RASGEF1C: variants seen among roughly 807,000 people sequenced by gnomAD.
RASGEF1C encodes RasGEF domain family member 1C, also known as ras-GEF domain-containing family member 1C.
Under a neutral mutation model 58.1 loss-of-function variants are expected in RASGEF1C, and 27 were observed. The observed-to-expected ratio is 0.46, with a 90% CI of 0.34 to 0.64. The LOEUF is 0.64. Ranked by LOEUF, RASGEF1C falls within the 30% of genes least tolerant of loss-of-function variation. The pLI, the probability that RASGEF1C is intolerant of heterozygous loss-of-function variation, is 0.01. For missense variants in RASGEF1C, 502 were observed against 605.1 expected (o/e 0.83, Z 1.79); for synonymous variants, 243 against 246.3 (o/e 0.99, Z 0.13).
chr5:180,142,189 T>A (rs1055837477), intron 1 of RASGEF1C, among the ~76,000 whole-genome samples: 2 of 152,092 alleles, frequency 1.3e-5, no homozygotes, highest in Non-Finnish European at 2.9e-5. Context: ...CATTTCTCCC[T>A]CTGTCTGCCT....
intron 1 of RASGEF1C, among the ~76,000 whole-genome samples, chr5:180,195,127 T>G (rs912251150): frequency 1.3e-5 from 2 of 152,094 alleles, no homozygotes; most frequent in African/African-American, 4.8e-5. Flanking sequence ...CTCCCTCCTC[T>G]CCTTCTCCAA....
At chr5:180,174,628 G>GCA (rs1561751695) in intron 1 of RASGEF1C, among the ~76,000 whole-genome samples, 1 of 150,304 alleles carries the variant, frequency 6.7e-6, no homozygotes, top group East Asian at 2.0e-4. Context: ...CTGTGTGTGT[G>GCA]TGTGTGTGTG....
chr5:180,178,246 T>G (rs1767263150), intron 1 of RASGEF1C, among the ~76,000 whole-genome samples: 1 of 148,884 alleles, frequency 6.7e-6, no homozygotes, highest in Admixed American at 6.8e-5. Context: ...GTGCTGGGAT[T>G]ACACGTGTGA....
At chr5:180,160,933 C>T (rs182611467) in intron 1 of RASGEF1C, among the ~76,000 whole-genome samples, 14 of 152,186 alleles carry the variant, frequency 9.2e-5, no homozygotes, top group Non-Finnish European at 1.6e-4. Context: ...ATTAGGGAAA[C>T]GTGTCAGCAA....
chr5:180,113,677 TGGAGGGATCGGGGATGGAC>T (rs1766012414), intron 11 of RASGEF1C, among the ~76,000 whole-genome samples: 1 of 63,476 alleles, frequency 1.6e-5, no homozygotes. Context: ...CGGGGATGGA[TGGAGGGATCGGGGATGGAC>T]GGAGGGATCG....
At chr5:180,120,969 G>T (rs1369069070) in intron 7 of RASGEF1C, 91 bp downstream of exon 7, 3 of 869,520 alleles carry the variant, frequency 3.5e-6, no homozygotes, top group African/African-American at 3.3e-5. Context: ...AAGACTCAAG[G>T]TGTCCTTCCG....
In RASGEF1C at chr5:180,168,777, G is replaced by A. The variant is rs1195373058; in HGVS notation, c.-6-30719C>T. Reference sequence around the variant, plus strand: ...ATTACTTGTGGGCTGGGGTATGAGAGAGCAAAGATTTTTAAAATGGATTTT... The same window carrying A: ...ATTACTTGTGGGCTGGGGTATGAGAAAGCAAAGATTTTTAAAATGGATTTT... On this transcript the variant is annotated intron_variant, in intron 1 of 13. Coordinates refer to ENST00000361132, the MANE Select transcript of RASGEF1C (RefSeq NM_175062.4). The surrounding 1 kb of genome is among the most constrained non-coding windows in gnomAD (Gnocchi z 6.0). Among the ~76,000 whole-genome samples the A allele has an allele frequency of 1.3e-5, 2 of 152,280 alleles. No homozygotes were observed. Among genetic ancestry groups the A allele is most frequent in the East Asian group, 1.9e-4 (1 of 5,180 alleles).
chr5:180,116,657 G>A (rs1766073127), intron 10 of RASGEF1C, among the ~76,000 whole-genome samples: 1 of 152,242 alleles, frequency 6.6e-6, no homozygotes, highest in African/African-American at 2.4e-5. Flanking sequence ...ATCCCAGTCT[G>A]TCTACCTGCC....
At chr5:180,186,101 G>GAAAAAAAAAAAAAA (rs35778456) in intron 1 of RASGEF1C, among the ~76,000 whole-genome samples, 4 of 81,176 alleles carry the variant, frequency 4.9e-5, no homozygotes, top group Non-Finnish European at 4.7e-5. Context: ...TATCTCCACA[G>GAAAAAAAAAAAAAA]AAAAAAAAAA....
rs556289955 is a variant in RASGEF1C, at chr5:180,173,280, GGCT to G, written c.-6-35225_-6-35223del. ...GTACTGTTTGTTGGCCAGAACCAAG[GGCT>G]GCCCCTCGACCTGGGGATGCCACCA... On this transcript the variant is annotated intron_variant, in intron 1 of 13. Transcript: ENST00000361132. Among the ~76,000 whole-genome samples, 155 of 152,322 alleles carry G rather than the reference GGCT, an allele frequency of 1.0e-3. 1 individual carries two copies. Among genetic ancestry groups the G allele is most frequent in the Middle Eastern group, 3.4e-3 (1 of 294 alleles).
In RASGEF1C at chr5:180,101,299, C is replaced by A. The variant is rs933782917; in HGVS notation, c.*202G>T. On this transcript the variant is annotated 3_prime_UTR_variant, in exon 14 of 14. Transcript: ENST00000361132. The stretch of plus-strand genomic sequence containing the variant: ...GCCCGCACGTCTGGAGGCCCTGGGT[C>A]CTGCCAGGGCCAAAGTCCCATAAAA... 1.5e-5 allele frequency: 9 copies of A among 609,804 alleles called. No homozygotes were observed. The highest frequency in any genetic ancestry group is 3.0e-5 in the Admixed American group (1 of 33,446). The allele number at this position is 609,804 out of a possible 1,614,324, so 37.8% of individuals were successfully genotyped here.
At chr5:180,173,263 TG>T (rs1337168088) in intron 1 of RASGEF1C, among the ~76,000 whole-genome samples, 2 of 152,232 alleles carry the variant, frequency 1.3e-5, no homozygotes, top group Non-Finnish European at 2.9e-5. Context: ...TGGTACTGTT[TG>T]TTGGCCAGAA....
At position 180,156,828 on chromosome 5, in the gene RASGEF1C, AAAAC is replaced by A. The variant is rs755445193; in HGVS notation, c.-6-18774_-6-18771del. Among the ~76,000 whole-genome samples the A allele has an allele frequency of 1.3e-5, 2 of 152,224 alleles. No individual in the cohort carries two copies. The highest frequency in any genetic ancestry group is 4.8e-5 in the African/African-American group (2 of 41,452). ...AGAAATCTTACAACTTAATAATAAG[AAAAC>A]AAACAACCTGATTAATAAAGGAGAC... On this transcript the variant is annotated intron_variant, in intron 1 of 13. Transcript: ENST00000361132. This position sits in a 1 kb window ranked among gnomAD's most constrained non-coding sequence, Gnocchi z 4.9.
intron 6 of RASGEF1C, among the ~76,000 whole-genome samples, chr5:180,124,239 AAAAAAAG>A (rs1279141889): frequency 2.0e-5 from 3 of 151,228 alleles, no homozygotes; most frequent in African/African-American, 7.3e-5. Context: ...CTCAAAAAAA[AAAAAAAG>A]AAAAAGAAAA....
chr5:180,136,585 C>T, intron 3 of RASGEF1C, 70 bp from the exon 4 acceptor site: 2 of 1,490,286 alleles, frequency 1.3e-6, no homozygotes, highest in Non-Finnish European at 1.8e-6. Context: ...ACTGCGCGTC[C>T]TTGCGGGTCT....
At chr5:180,166,302 G>C (rs1277982241) in intron 1 of RASGEF1C, among the ~76,000 whole-genome samples, 1 of 152,054 alleles carries the variant, frequency 6.6e-6, no homozygotes, top group Non-Finnish European at 1.5e-5. Context: ...AAATTCAAGA[G>C]GGACAGAGGA....
intron 12 of RASGEF1C, 56 bp from the exon 13 acceptor site, chr5:180,102,199 C>A: frequency 9.9e-7 from 1 of 1,007,212 alleles, no homozygotes; most frequent in South Asian, 1.3e-5. Context: ...ATAACCTGTT[C>A]TACACCTGCT....
rs1001589495 is a variant in RASGEF1C, at chr5:180,134,020, C to T, written c.438+2358G>A. 7.2e-5 allele frequency among the ~76,000 whole-genome samples: 11 copies of T among 152,300 alleles called. No homozygotes were observed. In the East Asian group the frequency reaches 1.2e-3, roughly 16 times the overall value. On this transcript the variant is annotated intron_variant, in intron 4 of 13. Transcript: ENST00000361132. ...AGGCAAAGCACCTTGCTTGAGGTCA[C>T]GCAGCTGTGGTTTCCCAGTCCGGAT...
intron 1 of RASGEF1C, among the ~76,000 whole-genome samples, chr5:180,194,241 G>C (rs899466893): frequency 6.6e-6 from 1 of 152,194 alleles, no homozygotes; most frequent in African/African-American, 2.4e-5. Context: ...ACCACGGATC[G>C]CGTTCATTAT....
Sources: allele counts gnomAD v4.1 joint callset (sites outside exome capture counted in the v4.1 genomes callset), GRCh38; gene constraint gnomAD v4.1.1; non-coding constraint Gnocchi (gnomAD v3.1); transcripts MANE v1.5; gene names NCBI Gene and HGNC (gene_info 2026-07-23, HGNC 2026-07-21).